Variants in WWOX observed in about 807,000 individuals in gnomAD.
WWOX encodes the protein WW domain-containing oxidoreductase.
In WWOX, 69 loss-of-function variants were observed where a neutral mutation model predicts 46.2. The observed-to-expected ratio is 1.49, with a 90% CI of 1.23 to 1.82. WWOX has a LOEUF of 1.82. Among genes scored for constraint, WWOX ranks in the 40% most tolerant of loss-of-function variants. The pLI, the probability that WWOX is intolerant of heterozygous loss-of-function variation, is 0.00. For synonymous variants in WWOX, 359 were observed against 202.6 expected, an observed-to-expected ratio of 1.77 and a Z score of -6.56; for missense variants, 919 against 542.6, an observed-to-expected ratio of 1.69 and a Z score of -6.89.
At chr16:78,379,923 G>A (rs149350121) in intron 5 of WWOX, among the ~76,000 whole-genome samples, 10 of 152,256 alleles carry the variant, frequency 6.6e-5, no homozygotes, top group Admixed American at 3.9e-4. Context: ...TTGAAGTGTC[G>A]GAAGGATGGA....
chr16:78,634,546 A>G (rs1275113674), intron 8 of WWOX, among the ~76,000 whole-genome samples: 2 of 152,000 alleles, frequency 1.3e-5, no homozygotes, highest in Non-Finnish European at 2.9e-5. Context: ...TCTCTACTAA[A>G]AATACAAAAA....
intron 8 of WWOX, among the ~76,000 whole-genome samples, chr16:78,804,622 T>G (rs147072318): frequency 6.6e-6 from 1 of 152,226 alleles, no homozygotes; most frequent in Non-Finnish European, 1.5e-5. Context: ...GTTTTACATG[T>G]CAAGCAATGA....
intron 8 of WWOX, among the ~76,000 whole-genome samples, chr16:79,193,480 G>A (rs191998706): frequency 6.6e-5 from 10 of 152,322 alleles, no homozygotes; most frequent in Admixed American, 2.6e-4. Context: ...TGGGTCTTGC[G>A]TCACAGAGAT....
chr16:79,167,504 A>ATGC (rs1243918178), intron 8 of WWOX, among the ~76,000 whole-genome samples: 1 of 152,134 alleles, frequency 6.6e-6, no homozygotes, highest in Non-Finnish European at 1.5e-5. Context: ...TGTGTCCATC[A>ATGC]TGCACTGACC....
chr16:78,577,338 A>T lies in WWOX; in HGVS notation c.1056+144586A>T, dbSNP rs569406009. Among the ~76,000 whole-genome samples, 12 of 152,338 alleles carry T rather than the reference A, an allele frequency of 7.9e-5. No homozygotes were observed. In the South Asian group the frequency reaches 2.5e-3, roughly 32 times the overall value. ...CAAATATATGTTTAAAACCTTGTTC[A>T]GATTTTTAGCTTTCTTCAGAACAGA... is the stretch of plus-strand genomic sequence containing the variant. On this transcript the variant is annotated intron_variant, in intron 8 of 8. Coordinates refer to ENST00000566780, the MANE Select transcript of WWOX (RefSeq NM_016373.4).
intron 5 of WWOX, among the ~76,000 whole-genome samples, chr16:78,272,021 G>C (rs2079486194): frequency 6.6e-6 from 1 of 152,166 alleles, no homozygotes; most frequent in Non-Finnish European, 1.5e-5. Flanking sequence ...CCAAACTTTT[G>C]GAGTAACAAG....
intron 8 of WWOX, among the ~76,000 whole-genome samples, chr16:79,033,396 T>C (rs1025331998): frequency 6.6e-6 from 1 of 150,954 alleles, no homozygotes; most frequent in Non-Finnish European, 1.5e-5. Flanking sequence ...ACTCTAATAA[T>C]TATTTTTTAA....
chr16:78,778,062 A>G (rs1382213758), intron 8 of WWOX, among the ~76,000 whole-genome samples: 2 of 151,856 alleles, frequency 1.3e-5, no homozygotes, highest in Non-Finnish European at 2.9e-5. Flanking sequence ...AAAAAAAAAA[A>G]AAGACATTTA....
chr16:78,919,790 C>T (rs564701025), intron 8 of WWOX, among the ~76,000 whole-genome samples: 3 of 152,242 alleles, frequency 2.0e-5, no homozygotes, highest in Non-Finnish European at 2.9e-5. Context: ...GCTGGGATTA[C>T]AGGCATGAGC....
At chr16:78,786,170 A>G (rs1410371175) in intron 8 of WWOX, among the ~76,000 whole-genome samples, 2 of 152,172 alleles carry the variant, frequency 1.3e-5, no homozygotes, top group Non-Finnish European at 2.9e-5. Flanking sequence ...TCCGCCTCCC[A>G]AAGTGCTGGG....
At chr16:79,208,871 G>A (rs1040176901) in intron 8 of WWOX, among the ~76,000 whole-genome samples, 3 of 152,160 alleles carry the variant, frequency 2.0e-5, no homozygotes, top group African/African-American at 4.8e-5. Context: ...GGTGTGGTGT[G>A]TATGGGACCA....
At chr16:78,844,234 C>T (rs1597709221) in intron 8 of WWOX, among the ~76,000 whole-genome samples, 2 of 152,226 alleles carry the variant, frequency 1.3e-5, no homozygotes, top group Admixed American at 1.3e-4. Context: ...CTATTCTTAG[C>T]CCAAGAGAGG....
At chr16:79,000,878 G>C (rs926323303) in intron 8 of WWOX, among the ~76,000 whole-genome samples, 2 of 152,094 alleles carry the variant, frequency 1.3e-5, no homozygotes, top group African/African-American at 4.8e-5. Context: ...GCCATGGTTT[G>C]TCATGTTGCA....
chr16:78,947,125 A>C (rs2045964701), intron 8 of WWOX, among the ~76,000 whole-genome samples: 1 of 152,044 alleles, frequency 6.6e-6, no homozygotes, highest in Non-Finnish European at 1.5e-5. Flanking sequence ...AGGGGGAAAA[A>C]GGAATGCACA....
chr16:79,039,827 A>G (rs2047937742), intron 8 of WWOX, among the ~76,000 whole-genome samples: 1 of 152,082 alleles, frequency 6.6e-6, no homozygotes, highest in Admixed American at 6.5e-5. Context: ...TCTGTCTGAT[A>G]TTCATCATCT....
intron 8 of WWOX, among the ~76,000 whole-genome samples, chr16:79,074,515 G>T (rs1250136198): frequency 2.1e-5 from 3 of 144,146 alleles, no homozygotes; most frequent in Non-Finnish European, 4.5e-5. Flanking sequence ...AGAGACCTGG[G>T]ATTTTGGGGA....
chr16:78,573,222 C>A (rs181750616), intron 8 of WWOX, among the ~76,000 whole-genome samples: 10 of 152,036 alleles, frequency 6.6e-5, no homozygotes, highest in African/African-American at 2.4e-4. Flanking sequence ...GGAGGCAGAG[C>A]TTGCAGTGAG....
intron 8 of WWOX, chr16:78,890,421 C>T (rs1280895100): frequency 6.6e-6 from 1 of 151,658 alleles, no homozygotes; most frequent in East Asian, 1.9e-4. Context: ...GGACATCCCT[C>T]CCACCCTATC....
At chr16:78,957,486 G>A (rs1480047246) in intron 8 of WWOX, among the ~76,000 whole-genome samples, 4 of 152,130 alleles carry the variant, frequency 2.6e-5, no homozygotes, top group Admixed American at 1.3e-4. Context: ...CTGTGTTTGG[G>A]GCTGAGACAC....
Sources: gnomAD v4.1 joint callset for allele counts (sites outside exome capture counted in the v4.1 genomes callset) on GRCh38, gnomAD v4.1.1 for gene constraint, MANE v1.5 for transcripts, NCBI Gene and HGNC (gene_info 2026-07-23, HGNC 2026-07-21) for gene names.